Variants in MAN1C1 observed in about 807,000 individuals in gnomAD.
The protein encoded by MAN1C1 is mannosyl-oligosaccharide 1,2-alpha-mannosidase IC.
In MAN1C1, 49 loss-of-function variants were observed where a neutral mutation model predicts 71.5. The ratio of observed to expected loss-of-function variants is 0.69; its 90% confidence interval spans 0.54 to 0.87. MAN1C1 has a LOEUF of 0.87. Ranked by LOEUF, MAN1C1 falls within the 40% of genes least tolerant of loss-of-function variation. MAN1C1 has a pLI of 0.00. For synonymous variants in MAN1C1, 352 were observed against 343.7 expected (o/e 1.02, Z -0.27); for missense variants, 743 against 835.0 (o/e 0.89, Z 1.36).
chr1:25,653,731 G>GT (rs1000757434), intron 1 of MAN1C1, among the ~76,000 whole-genome samples: 29 of 152,320 alleles, frequency 1.9e-4, no homozygotes, highest in Admixed American at 1.6e-3. Flanking sequence ...AGTTTGCTGA[G>GT]TAGCCCAGCT....
At chr1:25,696,432 C>CT (rs1290298228) in intron 2 of MAN1C1, among the ~76,000 whole-genome samples, 1 of 151,936 alleles carries the variant, frequency 6.6e-6, no homozygotes, top group Admixed American at 6.6e-5. Context: ...TTTAAAATTA[C>CT]TTTTTAAAAA....
At chr1:25,678,147 C>T (rs1051309743) in intron 1 of MAN1C1, among the ~76,000 whole-genome samples, 1 of 152,146 alleles carries the variant, frequency 6.6e-6, no homozygotes, top group Non-Finnish European at 1.5e-5. Flanking sequence ...TGTAAACACT[C>T]ATACATAGGC....
At chr1:25,766,161 T>C (rs2742938) in intron 7 of MAN1C1, among the ~76,000 whole-genome samples, 130,384 of 152,078 alleles carry the variant, frequency 0.86, 56,267 homozygotes, top group East Asian at 0.99. Flanking sequence ...TCAGGCAGAG[T>C]CAGGGCCTGC....
Position 25,638,970 on chromosome 1 carries a change from C to T in MAN1C1, c.540+20633C>T, listed in dbSNP as rs534976122. 2.6e-5 allele frequency among the ~76,000 whole-genome samples: 4 copies of T among 152,210 alleles called. No individual in the cohort carries two copies. In the South Asian group the frequency reaches 8.3e-4, roughly 32 times the overall value. On this transcript the variant is annotated intron_variant, in intron 1 of 11. Coordinates refer to ENST00000374332, the MANE Select transcript of MAN1C1 (RefSeq NM_020379.4). ...CAGCCCATCTCCTTTTCTTTTATAA[C>T]TCCAGTTACATATAAGTTAGATTGC... is the stretch of plus-strand genomic sequence containing the variant.
At position 25,783,643 on chromosome 1, in the gene MAN1C1, C is replaced by T; in HGVS notation, c.1767-20C>T. 6.2e-7 allele frequency: 1 copy of T among 1,609,442 alleles called. No homozygotes were observed. Among genetic ancestry groups the T allele is most frequent in the Non-Finnish European group, 8.5e-7 (1 of 1,179,350 alleles). On this transcript the variant is annotated intron_variant, in intron 11 of 11. Coordinates refer to ENST00000374332, the MANE Select transcript of MAN1C1 (RefSeq NM_020379.4). ...CACTGACAGACTGTGTCTTGCTTCC[C>T]TGCCCTGCGTGGGGCACAGGTATCT...
At chr1:25,663,116 T>A (rs982087345) in intron 1 of MAN1C1, among the ~76,000 whole-genome samples, 4 of 147,978 alleles carry the variant, frequency 2.7e-5, no homozygotes, top group South Asian at 2.1e-4. Context: ...CATATATATA[T>A]TTTATTTATT....
intron 1 of MAN1C1, among the ~76,000 whole-genome samples, chr1:25,622,785 G>A (rs2045234229): frequency 1.3e-5 from 2 of 152,238 alleles, no homozygotes; most frequent in African/African-American, 4.8e-5. Flanking sequence ...TATGATATGT[G>A]ACAGTGTCTG....
chr1:25,768,823 T>C (rs2047500411), intron 7 of MAN1C1, among the ~76,000 whole-genome samples: 3 of 104,482 alleles, frequency 2.9e-5, no homozygotes, highest in African/African-American at 7.8e-5. Flanking sequence ...ATATCCACAC[T>C]CCCCTCACAC....
chr1:25,696,375 A>G (rs1414972578), intron 2 of MAN1C1, among the ~76,000 whole-genome samples: 1 of 152,068 alleles, frequency 6.6e-6, no homozygotes, highest in Non-Finnish European at 1.5e-5. Flanking sequence ...TCAGACAGCC[A>G]GGATCGAACC....
intron 1 of MAN1C1, among the ~76,000 whole-genome samples, chr1:25,669,795 C>G (rs939424743): frequency 3.3e-5 from 5 of 152,086 alleles, no homozygotes; most frequent in African/African-American, 1.2e-4. Flanking sequence ...TAAAAATACA[C>G]AGATACAAAT....
intron 1 of MAN1C1, among the ~76,000 whole-genome samples, chr1:25,675,199 G>C (rs952955097): frequency 2.0e-5 from 3 of 152,050 alleles, no homozygotes; most frequent in Non-Finnish European, 4.4e-5. Context: ...AGTTTATACT[G>C]TACCCAATAT....
intron 2 of MAN1C1, among the ~76,000 whole-genome samples, chr1:25,692,869 G>C (rs957195152): frequency 2.6e-5 from 4 of 152,170 alleles, no homozygotes; most frequent in African/African-American, 9.7e-5. Context: ...TTAGACATCA[G>C]CTGAGTACTC....
intron 1 of MAN1C1, among the ~76,000 whole-genome samples, chr1:25,625,331 C>T (rs1401277159): frequency 6.6e-6 from 1 of 152,086 alleles, no homozygotes; most frequent in Non-Finnish European, 1.5e-5. Flanking sequence ...ATACAGTTTG[C>T]TGTATTTTCA....
In MAN1C1 at chr1:25,624,687, GCAAA is replaced by G. The variant is rs556661032; in HGVS notation, c.540+6354_540+6357del. 8.5e-5 allele frequency among the ~76,000 whole-genome samples: 13 copies of G among 152,254 alleles called. No homozygotes were observed. The East Asian group carries it at 2.1e-3, about 25-fold the overall frequency. Reference sequence around the variant, plus strand: ...GCTGCTGCCAAGGTGAACCTTCTGGGCAAACAATTGTCACTAAATAGCAACCATT... The same window carrying G: ...GCTGCTGCCAAGGTGAACCTTCTGGGCAATTGTCACTAAATAGCAACCATT... On this transcript the variant is annotated intron_variant, in intron 1 of 11. Transcript: ENST00000374332.
At chr1:25,731,336 G>A (rs61774961) in intron 2 of MAN1C1, among the ~76,000 whole-genome samples, 2 of 150,540 alleles carry the variant, frequency 1.3e-5, no homozygotes, top group African/African-American at 2.5e-5. Flanking sequence ...CATCATCATC[G>A]TCATCATCAT....
chr1:25,709,371 C>T (rs1482445643), intron 2 of MAN1C1, among the ~76,000 whole-genome samples: 1 of 152,194 alleles, frequency 6.6e-6, no homozygotes, highest in Non-Finnish European at 1.5e-5. Context: ...TCAATGCTGG[C>T]ATGTAGTAGG....
At chr1:25,728,313 T>A (rs749548031) in intron 2 of MAN1C1, among the ~76,000 whole-genome samples, 14 of 152,080 alleles carry the variant, frequency 9.2e-5, no homozygotes, top group Non-Finnish European at 1.9e-4. Context: ...CCAAAGCCAG[T>A]AACCCCATGA....
intron 5 of MAN1C1, among the ~76,000 whole-genome samples, chr1:25,756,764 T>C (rs1274128589): frequency 1.3e-5 from 2 of 152,222 alleles, no homozygotes; most frequent in Non-Finnish European, 2.9e-5. Flanking sequence ...CTTCCCTGTA[T>C]GAGCCTCAGT....
chr1:25,636,563 T>A (rs1318863028), intron 1 of MAN1C1, among the ~76,000 whole-genome samples: 1 of 152,202 alleles, frequency 6.6e-6, no homozygotes, highest in Non-Finnish European at 1.5e-5. Context: ...ATGGTTGTCT[T>A]CCCTTGTTCC....
Sources: gnomAD v4.1 joint callset for allele counts (sites outside exome capture counted in the v4.1 genomes callset) on GRCh38, gnomAD v4.1.1 for gene constraint, MANE v1.5 for transcripts, NCBI Gene and HGNC (gene_info 2026-07-23, HGNC 2026-07-21) for gene names.